OXR1: variants seen among roughly 807,000 people sequenced by gnomAD.
The protein encoded by OXR1 is oxidation resistance 1.
A neutral mutation model predicts 104.6 loss-of-function variants in OXR1; 41 were observed. The observed-to-expected ratio is 0.39, with a 90% CI of 0.31 to 0.51. The LOEUF (loss-of-function observed/expected upper bound fraction) is 0.51, where lower values mean the gene tolerates loss of function less well. OXR1 is among the 20% of genes least tolerant of loss of function. OXR1 has a pLI of 0.77. For missense variants in OXR1, 955 were observed against 1,031.9 expected (o/e 0.93, Z 1.02); for synonymous variants, 348 against 348.4 (o/e 1.00, Z 0.01).
Position 106,730,324 on chromosome 8 carries a change from T to A in OXR1, c.1957-7196T>A, listed in dbSNP as rs149862356. Among the ~76,000 whole-genome samples, 347 of 152,264 alleles carry A rather than the reference T, an allele frequency of 2.3e-3. 1 individual carries two copies. Among genetic ancestry groups the A allele is most frequent in the African/African-American group, 7.8e-3 (322 of 41,528 alleles). On this transcript the variant is annotated intron_variant, in intron 11 of 16. Transcript: ENST00000517566. Reference sequence around the variant, plus strand: ...GTTTTGACAAGTGTATAATGACATGTATCTAGTTGTAGAATCACATGCTAT... The same window carrying A: ...GTTTTGACAAGTGTATAATGACATGAATCTAGTTGTAGAATCACATGCTAT...
intron 2 of OXR1, among the ~76,000 whole-genome samples, chr8:106,465,873 T>A (rs1821147103): frequency 6.6e-6 from 1 of 151,950 alleles, no homozygotes; most frequent in Admixed American, 6.6e-5. Context: ...CTGAGATTGG[T>A]TTCTATTCTT....
chr8:106,319,608 C>G (rs1814126713), intron 1 of OXR1, among the ~76,000 whole-genome samples: 1 of 152,178 alleles, frequency 6.6e-6, no homozygotes, highest in Non-Finnish European at 1.5e-5. Context: ...TCTTCTTCCA[C>G]TTACCCTTTC....
In OXR1 at chr8:106,524,767, G is replaced by A. The variant is rs76682788; in HGVS notation, c.220+5628G>A. On this transcript the variant is annotated intron_variant, in intron 3 of 16. Transcript: ENST00000517566. ...AATGTCCTAAATGCCATAGAGATGG[G>A]AGAGAGGGTGGTGTGTAATGAATGA... Among the ~76,000 whole-genome samples, 1,283 of 152,320 alleles carry A rather than the reference G, an allele frequency of 8.4e-3. 10 individuals are homozygous for A. The highest frequency in any genetic ancestry group is 0.027 in the Middle Eastern group (8 of 294).
intron 3 of OXR1, among the ~76,000 whole-genome samples, chr8:106,589,770 G>A (rs1198209267): frequency 6.6e-6 from 1 of 152,076 alleles, no homozygotes. Context: ...AGGTTCAAAC[G>A]ATTCTCCTGC....
chr8:106,555,811 T>C (rs1816218990), intron 3 of OXR1, among the ~76,000 whole-genome samples: 1 of 151,094 alleles, frequency 6.6e-6, no homozygotes, highest in Non-Finnish European at 1.5e-5. Flanking sequence ...GGCCCAAATA[T>C]CCATAAACAG....
At chr8:106,288,261 A>C (rs1274390118) in intron 1 of OXR1, among the ~76,000 whole-genome samples, 1 of 151,950 alleles carries the variant, frequency 6.6e-6, no homozygotes, top group East Asian at 1.9e-4. Flanking sequence ...CCAAGTGTTG[A>C]CTCTGAATTC....
At chr8:106,395,503 T>C (rs1413066757) in intron 2 of OXR1, among the ~76,000 whole-genome samples, 4 of 152,086 alleles carry the variant, frequency 2.6e-5, no homozygotes, top group African/African-American at 9.7e-5. Context: ...TGAGACTTAT[T>C]CACTATCACA....
At chr8:106,331,409 C>CA (rs1160139433) in intron 1 of OXR1, among the ~76,000 whole-genome samples, 1 of 152,076 alleles carries the variant, frequency 6.6e-6, no homozygotes, top group African/African-American at 2.4e-5. Context: ...GAAACACTTA[C>CA]AAAAATACAA....
At chr8:106,648,949 A>C (rs1288049684) in intron 3 of OXR1, among the ~76,000 whole-genome samples, 1 of 152,196 alleles carries the variant, frequency 6.6e-6, no homozygotes, top group Non-Finnish European at 1.5e-5. Context: ...TCATGCCTGT[A>C]ATCACAGCAT....
chr8:106,547,575 C>CCTCT (rs773111093), intron 3 of OXR1, among the ~76,000 whole-genome samples: 1 of 147,828 alleles, frequency 6.8e-6, no homozygotes, highest in African/African-American at 2.5e-5. Context: ...CTGACTGTAA[C>CCTCT]CTCTGCCTCC....
intron 3 of OXR1, among the ~76,000 whole-genome samples, chr8:106,539,128 C>G (rs1814764711): frequency 6.6e-6 from 1 of 152,146 alleles, no homozygotes; most frequent in Admixed American, 6.5e-5. Flanking sequence ...ATGACTGTAT[C>G]AACTCTGTAT....
chr8:106,390,460 C>T (rs1011771737), intron 2 of OXR1, among the ~76,000 whole-genome samples: 39 of 152,078 alleles, frequency 2.6e-4, no homozygotes, highest in African/African-American at 9.2e-4. Flanking sequence ...CTCATAACAC[C>T]GTTAAGAGAT....
chr8:106,398,919 A>G (rs934306955), intron 2 of OXR1, among the ~76,000 whole-genome samples: 2 of 152,004 alleles, frequency 1.3e-5, no homozygotes, highest in Admixed American at 6.6e-5. Context: ...TAATCCTTTC[A>G]CATGCACATC....
At chr8:106,657,863 G>A in intron 3 of OXR1, 1 of 1,241,248 alleles carries the variant, frequency 8.1e-7, no homozygotes. Flanking sequence ...CGCCTCTTGT[G>A]AGGCGCGCGG....
intron 2 of OXR1, among the ~76,000 whole-genome samples, chr8:106,481,571 A>G (rs1236679157): frequency 2.6e-5 from 4 of 152,072 alleles, no homozygotes; most frequent in Non-Finnish European, 4.4e-5. Context: ...TTTAAGCTAG[A>G]GAGCCCGGAG....
chr8:106,741,421 T>A (rs1353482699), intron 14 of OXR1, among the ~76,000 whole-genome samples: 1 of 152,170 alleles, frequency 6.6e-6, no homozygotes, highest in Non-Finnish European at 1.5e-5. Context: ...AGTAGTGTTC[T>A]GTTTCTTGGT....
intron 2 of OXR1, among the ~76,000 whole-genome samples, chr8:106,377,042 G>C (rs1001588309): frequency 1.8e-4 from 28 of 152,104 alleles, no homozygotes; most frequent in African/African-American, 6.5e-4. Flanking sequence ...TTAATTCTAT[G>C]GAACTCTATG....
At chr8:106,747,574 G>A (rs1364360663) in intron 16 of OXR1, among the ~76,000 whole-genome samples, 2 of 152,108 alleles carry the variant, frequency 1.3e-5, no homozygotes, top group Admixed American at 6.5e-5. Context: ...TGAAAGCATT[G>A]CTCATATAAA....
In OXR1 at chr8:106,318,373, T is replaced by A. The variant is rs577342336; in HGVS notation, c.-138-41103T>A. ...TAACCTAAAGGCAAAGTCATGGTAA[T>A]CTCTTCCTTGCTCAGAAATCTTTGG... On this transcript the variant is annotated intron_variant, in intron 1 of 16. Coordinates refer to ENST00000517566, the MANE Select transcript of OXR1 (RefSeq NM_001198533.2). Among the ~76,000 whole-genome samples the A allele has an allele frequency of 5.3e-5, 8 of 152,024 alleles. No individual in the cohort carries two copies. The South Asian group carries it at 1.7e-3, about 32-fold the overall frequency.
Sources: allele counts gnomAD v4.1 joint callset (sites outside exome capture counted in the v4.1 genomes callset), GRCh38; gene constraint gnomAD v4.1.1; transcripts MANE v1.5; gene names NCBI Gene and HGNC (gene_info 2026-07-23, HGNC 2026-07-21).